Variants in SCMH1 observed in about 807,000 individuals in gnomAD.
The protein encoded by SCMH1 is polycomb protein SCMH1.
Under a neutral mutation model 70.8 loss-of-function variants are expected in SCMH1, and 37 were observed. The observed-to-expected ratio is 0.52, with a 90% confidence interval of 0.40 to 0.69. SCMH1 has a LOEUF of 0.69. Ranked by LOEUF, SCMH1 falls within the 30% of genes least tolerant of loss-of-function variation. SCMH1 has a pLI of 0.00. For missense variants in SCMH1, 607 were observed against 827.3 expected (o/e 0.73, Z 3.27); for synonymous variants, 292 against 307.4 (o/e 0.95, Z 0.52).
intron 8 of SCMH1, chr1:41,098,531 G>A (rs538883057): frequency 6.6e-6 from 1 of 152,216 alleles, no homozygotes; most frequent in South Asian, 2.1e-4. Context: ...ATTTGCTAAG[G>A]GAGGTTAAGT....
intron 12 of SCMH1, among the ~76,000 whole-genome samples, chr1:41,038,977 C>T (rs1288953820): frequency 1.3e-5 from 2 of 152,176 alleles, no homozygotes; most frequent in Non-Finnish European, 2.9e-5. Flanking sequence ...ATGCTGAGAA[C>T]ATCAAATGAG....
At chr1:41,187,826 A>T (rs144558165) in intron 1 of SCMH1, among the ~76,000 whole-genome samples, 2,521 of 146,366 alleles carry the variant, frequency 0.017, 59 homozygotes, top group African/African-American at 0.051. Context: ...AAAAAAAAAA[A>T]ATATAAAAAT....
At chr1:41,141,799 C>A (rs904649114) in intron 6 of SCMH1, among the ~76,000 whole-genome samples, 10 of 151,582 alleles carry the variant, frequency 6.6e-5, no homozygotes, top group African/African-American at 2.4e-4. Flanking sequence ...TAGATTGATT[C>A]AAAAAACTGA....
intron 8 of SCMH1, among the ~76,000 whole-genome samples, chr1:41,107,840 C>A (rs1392960212): frequency 6.6e-6 from 1 of 152,196 alleles, no homozygotes; most frequent in South Asian, 2.1e-4. Context: ...TTAATTAACT[C>A]TTTCTGCCCT....
intron 1 of SCMH1, among the ~76,000 whole-genome samples, chr1:41,225,613 T>C (rs553871295): frequency 6.6e-6 from 1 of 152,248 alleles, no homozygotes; most frequent in African/African-American, 2.4e-5. Flanking sequence ...AGGCTTCACA[T>C]AGGAGGTGAC....
At chr1:41,069,439 G>A (rs1655729626) in intron 10 of SCMH1, among the ~76,000 whole-genome samples, 1 of 152,176 alleles carries the variant, frequency 6.6e-6, no homozygotes. Flanking sequence ...AGGGGGATAC[G>A]AGGTATGTTT....
chr1:41,226,009 T>C (rs1302879513), intron 1 of SCMH1, among the ~76,000 whole-genome samples: 1 of 152,198 alleles, frequency 6.6e-6, no homozygotes, highest in Non-Finnish European at 1.5e-5. Flanking sequence ...CTGGTATCCC[T>C]GCACAGAAAC....
At chr1:41,209,546 G>T (rs1656483661) in intron 1 of SCMH1, among the ~76,000 whole-genome samples, 1 of 152,222 alleles carries the variant, frequency 6.6e-6, no homozygotes, top group Admixed American at 6.5e-5. Context: ...TCCCTGGGAT[G>T]CAAGGCTGGT....
At chr1:41,027,293 A>G (rs2148468616) in exon 15 of SCMH1, 1 of 152,370 alleles carries the variant, frequency 6.6e-6, no homozygotes, top group East Asian at 1.9e-4. Context: ...GCTTACAAGG[A>G]AGCCTGTGGA....
In SCMH1 at chr1:41,188,454, T is replaced by C. The variant is rs75543412; in HGVS notation, c.-117-2204A>G. 6.7e-3 allele frequency among the ~76,000 whole-genome samples: 1,016 copies of C among 152,342 alleles called. 15 individuals carry two copies. Among genetic ancestry groups the C allele is most frequent in the African/African-American group, 0.024 (978 of 41,574 alleles). ...GTCCAATGGGTAGCCACTAGCCACATGTGGCTATTTAGGACTTGAAATGTA... is the reference window on the plus strand; with the variant it reads ...GTCCAATGGGTAGCCACTAGCCACACGTGGCTATTTAGGACTTGAAATGTA... On this transcript the variant is annotated intron_variant, in intron 1 of 14. Coordinates refer to ENST00000337495, the Ensembl canonical transcript of SCMH1.
exon 13 of SCMH1, chr1:41,037,379 C>T (rs374050102): frequency 5.9e-5 from 96 of 1,613,934 alleles, no homozygotes; most frequent in African/African-American, 8.0e-5. Context: ...GCATAGCCTG[C>T]GCACAGCTGA....
chr1:41,188,606 T>G (rs894059099), intron 1 of SCMH1, among the ~76,000 whole-genome samples: 3 of 152,200 alleles, frequency 2.0e-5, no homozygotes, highest in African/African-American at 7.2e-5. Context: ...ACTCCGTATT[T>G]CTGGAAGTCG....
chr1:41,218,943 C>T (rs900697334), intron 1 of SCMH1, among the ~76,000 whole-genome samples: 16 of 152,128 alleles, frequency 1.1e-4, no homozygotes, highest in Admixed American at 3.3e-4. Flanking sequence ...CCCCTGGGAT[C>T]ATACCTTAGT....
At chr1:41,205,863 T>G (rs1041887278) in intron 1 of SCMH1, among the ~76,000 whole-genome samples, 1 of 152,220 alleles carries the variant, frequency 6.6e-6, no homozygotes, top group African/African-American at 2.4e-5. Context: ...TCTGCAATAT[T>G]AGCTGTTCTG....
intron 2 of SCMH1, among the ~76,000 whole-genome samples, chr1:41,165,916 G>C (rs768778998): frequency 6.6e-6 from 1 of 151,692 alleles, no homozygotes; most frequent in African/African-American, 2.4e-5. Flanking sequence ...TGCTTTTATT[G>C]CTTATGCTTT....
At chr1:41,084,286 GACAA>G (rs1428105178) in intron 8 of SCMH1, among the ~76,000 whole-genome samples, 3 of 152,084 alleles carry the variant, frequency 2.0e-5, no homozygotes, top group South Asian at 2.1e-4. Context: ...ACAAGAAAAA[GACAA>G]ACAACCCCAT....
chr1:41,230,377 A>T (rs1661071775), intron 1 of SCMH1, among the ~76,000 whole-genome samples: 1 of 152,176 alleles, frequency 6.6e-6, no homozygotes, highest in African/African-American at 2.4e-5. Context: ...ATAATTTAAC[A>T]AATGATTCCC....
At position 41,151,700 on chromosome 1, in the gene SCMH1, A is replaced by T; in HGVS notation, c.107-16T>A. 1 of 1,585,832 alleles carries T rather than the reference A, an allele frequency of 6.3e-7. No individual in the cohort carries two copies. Among genetic ancestry groups the T allele is most frequent in the Non-Finnish European group, 8.6e-7 (1 of 1,156,916 alleles). ...GTAAAATGACCTGTAAAGGAAATAGAAATCTATATCACAGTCAACTTCCTA... is the reference window on the plus strand; with the variant it reads ...GTAAAATGACCTGTAAAGGAAATAGTAATCTATATCACAGTCAACTTCCTA... On this transcript the variant is annotated splice_polypyrimidine_tract_variant and intron_variant, in intron 4 of 14. Coordinates refer to ENST00000337495, the Ensembl canonical transcript of SCMH1.
chr1:41,186,966 C>A (rs1186140018), intron 1 of SCMH1, among the ~76,000 whole-genome samples: 1 of 152,140 alleles, frequency 6.6e-6, no homozygotes, highest in African/African-American at 2.4e-5. Context: ...GATCACAGGA[C>A]AAATGGGACT....
Sources: gnomAD v4.1 joint callset for allele counts (sites outside exome capture counted in the v4.1 genomes callset) on GRCh38, gnomAD v4.1.1 for gene constraint, MANE v1.5 for transcripts, NCBI Gene and HGNC (gene_info 2026-07-23, HGNC 2026-07-21) for gene names.